Variants in PARVA observed in about 807,000 individuals in gnomAD.
The protein encoded by PARVA is alpha-parvin.
Under a neutral mutation model 52.6 loss-of-function variants are expected in PARVA, and 25 were observed. The ratio of observed to expected loss-of-function variants is 0.48; its 90% CI spans 0.35 to 0.66. The LOEUF is 0.66. PARVA is among the 30% of genes least tolerant of loss of function. The pLI is 0.01. For missense variants in PARVA, 373 were observed against 450.9 expected (o/e 0.83, Z 1.56); for synonymous variants, 185 against 179.1 (o/e 1.03, Z -0.26).
chr11:12,518,531 T>A lies in PARVA; in HGVS notation c.1042+14T>A, dbSNP rs1388814234. The A allele has an allele frequency of 6.2e-7, 1 of 1,602,992 alleles. No homozygotes were observed. The highest frequency in any genetic ancestry group is 8.5e-7 in the Non-Finnish European group (1 of 1,171,182). ...CGCGGCCAGAAGGTACTTTGCTCTT[T>A]CCTGGGTTTGTGACAACAGAGTGAG... On this transcript the variant is annotated intron_variant, in intron 12 of 12. Transcript: ENST00000334956.
chr11:12,479,347 G>A (rs1283390147), intron 4 of PARVA: 1 of 151,940 alleles, frequency 6.6e-6, no homozygotes, highest in African/African-American at 2.4e-5. Flanking sequence ...CTGTCACCCA[G>A]GCTGGAGTGC....
At chr11:12,466,727 T>C (rs1015374491) in intron 1 of PARVA, among the ~76,000 whole-genome samples, 31 of 152,202 alleles carry the variant, frequency 2.0e-4, no homozygotes, top group Non-Finnish European at 3.4e-4. Flanking sequence ...GTTTTTTTTT[T>C]CTAGAAGTTT....
intron 1 of PARVA, among the ~76,000 whole-genome samples, chr11:12,383,961 A>C (rs1048105500): frequency 4.6e-5 from 7 of 152,110 alleles, no homozygotes; most frequent in African/African-American, 1.7e-4. Flanking sequence ...TTCAGATAGA[A>C]AATTGAGACC....
At chr11:12,465,752 A>G (rs988046388) in intron 1 of PARVA, among the ~76,000 whole-genome samples, 1 of 152,180 alleles carries the variant, frequency 6.6e-6, no homozygotes, top group Non-Finnish European at 1.5e-5. Context: ...CAGTTTATCT[A>G]CTCACCTATT....
At chr11:12,423,255 T>C (rs1940178768) in intron 1 of PARVA, among the ~76,000 whole-genome samples, 1 of 151,578 alleles carries the variant, frequency 6.6e-6, no homozygotes, top group Non-Finnish European at 1.5e-5. Context: ...CACAGCTCAT[T>C]ATAGCCTTGA....
intron 1 of PARVA, among the ~76,000 whole-genome samples, chr11:12,429,887 C>T (rs1940292002): frequency 6.6e-6 from 1 of 152,172 alleles, no homozygotes; most frequent in African/African-American, 2.4e-5. Context: ...AGTATAACTT[C>T]ATTCACCAAT....
At chr11:12,488,829 G>C (rs1941195597) in intron 4 of PARVA, among the ~76,000 whole-genome samples, 1 of 152,138 alleles carries the variant, frequency 6.6e-6, no homozygotes, top group Admixed American at 6.5e-5. Context: ...AGTGCCCCAA[G>C]ACAGAAGCAA....
chr11:12,520,094 T>C (rs1036759867), intron 12 of PARVA, among the ~76,000 whole-genome samples: 2 of 152,264 alleles, frequency 1.3e-5, no homozygotes, highest in Admixed American at 6.5e-5. Context: ...TTGGGACAGA[T>C]AATTTTCCCA....
In PARVA at chr11:12,531,087, C is replaced by G. The variant is rs550625823; in HGVS notation, c.*3162C>G. 5.3e-5 allele frequency among the ~76,000 whole-genome samples: 8 copies of G among 152,296 alleles called. No individual in the cohort carries two copies. The South Asian group carries it at 1.7e-3, about 32-fold the overall frequency. On this transcript the variant is annotated 3_prime_UTR_variant, in exon 13 of 13. Coordinates refer to ENST00000334956, the MANE Select transcript of PARVA (RefSeq NM_018222.5). ...ACCAGGACTACGAATTTGTAATCCA[C>G]TAAGCATCACAAAGGTTACTACATA...
At chr11:12,386,331 T>C (rs1400674177) in intron 1 of PARVA, among the ~76,000 whole-genome samples, 1 of 152,224 alleles carries the variant, frequency 6.6e-6, no homozygotes, top group East Asian at 1.9e-4. Flanking sequence ...CTTTCACATG[T>C]TTATGCCTTT....
At chr11:12,523,323 C>CCTAA (rs1277891374) in intron 12 of PARVA, among the ~76,000 whole-genome samples, 1 of 152,122 alleles carries the variant, frequency 6.6e-6, no homozygotes, top group Non-Finnish European at 1.5e-5. Context: ...CTAGTGGCCA[C>CCTAA]CTAACTGATT....
rs575944331 is a variant in PARVA at position 12,512,181 on chromosome 11, G to T, written c.736+648G>T. Among the ~76,000 whole-genome samples, 6 of 152,238 alleles carry T rather than the reference G, an allele frequency of 3.9e-5. No individual in the cohort carries two copies. The South Asian group carries it at 1.2e-3, about 32-fold the overall frequency. ...GCCCGAGGTGTCTGGATGGGTCCTGGGCATTTTCAGGGCAGTTCTGCTCTA... is the reference window on the plus strand; with the variant it reads ...GCCCGAGGTGTCTGGATGGGTCCTGTGCATTTTCAGGGCAGTTCTGCTCTA... On this transcript the variant is annotated intron_variant, in intron 8 of 12. Coordinates refer to ENST00000334956, the MANE Select transcript of PARVA (RefSeq NM_018222.5).
At chr11:12,416,275 C>A (rs1940065959) in intron 1 of PARVA, among the ~76,000 whole-genome samples, 1 of 152,084 alleles carries the variant, frequency 6.6e-6, no homozygotes, top group Admixed American at 6.5e-5. Context: ...GTTGAGGCAG[C>A]TTTTAAGAAA....
intron 4 of PARVA, among the ~76,000 whole-genome samples, chr11:12,482,639 A>AT: frequency 1.3e-5 from 2 of 151,576 alleles, no homozygotes; most frequent in East Asian, 1.9e-4. Context: ...AAAAAAAAAA[A>AT]GGAAAGAGGT....
intron 4 of PARVA, 56 bp from the exon 5 acceptor site, chr11:12,496,402 T>C: frequency 1.3e-6 from 2 of 1,534,164 alleles, no homozygotes; most frequent in Non-Finnish European, 1.8e-6. Context: ...GTGCATGCAG[T>C]AGGGTTGTCT....
At chr11:12,454,551 C>A (rs1015394563) in intron 1 of PARVA, among the ~76,000 whole-genome samples, 1 of 150,834 alleles carries the variant, frequency 6.6e-6, no homozygotes, top group Non-Finnish European at 1.5e-5. Context: ...GCTTTACCCC[C>A]GCAATCCAGT....
chr11:12,527,949 G>C lies in PARVA; in HGVS notation c.*24G>C, dbSNP rs989136055. On this transcript the variant is annotated 3_prime_UTR_variant, in exon 13 of 13. Coordinates refer to ENST00000334956, the MANE Select transcript of PARVA (RefSeq NM_018222.5). ...GAGGGGCTGCCCTGGGCCCACCACTGCCCAAGAGTTCTTGCTGTTGGCGTA... is the reference window on the plus strand; with the variant it reads ...GAGGGGCTGCCCTGGGCCCACCACTCCCCAAGAGTTCTTGCTGTTGGCGTA... 2 of 1,564,480 alleles carry C rather than the reference G, an allele frequency of 1.3e-6. No individual in the cohort carries two copies. Among genetic ancestry groups the C allele is most frequent in the Admixed American group, 3.3e-5 (2 of 59,942 alleles).
chr11:12,486,185 G>T (rs921018281), intron 4 of PARVA, among the ~76,000 whole-genome samples: 2 of 152,152 alleles, frequency 1.3e-5, no homozygotes, highest in Non-Finnish European at 2.9e-5. Context: ...GGAATTGTCT[G>T]TACTGTTTGT....
At chr11:12,465,250 G>A (rs1237402501) in intron 1 of PARVA, among the ~76,000 whole-genome samples, 1 of 152,118 alleles carries the variant, frequency 6.6e-6, no homozygotes, top group East Asian at 1.9e-4. Context: ...GAAGAGAGAT[G>A]TGAGCTGGCA....
Sources: gnomAD v4.1 joint callset for allele counts (sites outside exome capture counted in the v4.1 genomes callset) on GRCh38, gnomAD v4.1.1 for gene constraint, MANE v1.5 for transcripts, NCBI Gene and HGNC (gene_info 2026-07-23, HGNC 2026-07-21) for gene names.